KMT2C: variants seen among roughly 807,000 people sequenced by gnomAD.
KMT2C encodes lysine methyltransferase 2C.
In KMT2C, 88 loss-of-function variants were observed where a neutral mutation model predicts 507.9. The observed-to-expected ratio is 0.17, with a 90% CI of 0.15 to 0.21. The LOEUF (loss-of-function observed/expected upper bound fraction) is 0.21, where lower values mean the gene tolerates loss of function less well. Among genes scored for constraint, KMT2C ranks in the 10% least tolerant of loss-of-function variants. KMT2C has a pLI of 1.00. For missense variants in KMT2C, 4,954 were observed against 5,957.8 expected (o/e 0.83, Z 5.55); for synonymous variants, 2,049 against 2,080.8 (o/e 0.98, Z 0.42).
In KMT2C at chr7:152,163,590, C is replaced by A; in HGVS notation, c.9987G>T (p.Met3329Ile). 2 of 1,604,210 alleles carry A rather than the reference C, an allele frequency of 1.2e-6. No individual in the cohort carries two copies. Among genetic ancestry groups the A allele is most frequent in the Non-Finnish European group, 1.7e-6 (2 of 1,174,098 alleles). ...TGGGTTGCCATCCAGGTAAACTGGG[C>A]ATTCTAACAGGGCTAGTATGGCCAG... ...VISGHTSPVR[M>I]PSLPGWQPNS... The change falls in exon 43 of 59, where the codon ATG (methionine) becomes ATT (isoleucine). Residue 3329 changes from methionine to isoleucine, a missense_variant. Physicochemically the swap from Met to Ile is conservative, Grantham distance 10. Around this residue, in one of 29 missense-constraint regions of KMT2C, gnomAD observed 801 missense variants for 751.2 expected, o/e 1.07. Coordinates refer to ENST00000262189, the MANE Select transcript of KMT2C (RefSeq NM_170606.3).
intron 16 of KMT2C, 107 bp from the exon 17 acceptor site, chr7:152,230,428 G>C: frequency 1.9e-6 from 1 of 516,330 alleles, no homozygotes; most frequent in Non-Finnish European, 3.5e-6. Context: ...TTTTGGCTAA[G>C]GTCTAGAATA....
intron 1 of KMT2C, chr7:152,366,942 C>A: frequency 4.0e-6 from 2 of 494,460 alleles, no homozygotes; most frequent in Non-Finnish European, 3.6e-6. Flanking sequence ...CGGGCACGAT[C>A]GCAAGGTCGC....
At position 152,176,747 on chromosome 7, in the gene KMT2C, A is replaced by G. The variant is rs778445184; in HGVS notation, c.8706T>C (p.Ala2902=). 1.2e-6 allele frequency: 2 copies of G among 1,614,034 alleles called. No homozygotes were observed. The highest frequency in any genetic ancestry group is 8.5e-7 in the Non-Finnish European group (1 of 1,180,030). The change falls in exon 38 of 59, where the codon GCT becomes GCC. Residue 2902 remains alanine, a synonymous_variant. Transcript: ENST00000262189. ...NVIQASTQLP[A]QDVINSCGIT... ...TGCCACAAGAGTTTATTACATCTTGAGCAGGTAGTTGAGTGGATGCCTGAA... is the reference window on the plus strand; with the variant it reads ...TGCCACAAGAGTTTATTACATCTTGGGCAGGTAGTTGAGTGGATGCCTGAA...
intron 3 of KMT2C, among the ~76,000 whole-genome samples, chr7:152,326,781 T>A (rs1294721439): frequency 1.3e-5 from 2 of 152,116 alleles, no homozygotes; most frequent in Non-Finnish European, 2.9e-5. Context: ...CTTGGGAGGC[T>A]GAGGCAGGAG....
intron 55 of KMT2C, among the ~76,000 whole-genome samples, chr7:152,142,807 GA>G (rs1219073549): frequency 1.3e-5 from 2 of 152,188 alleles, no homozygotes; most frequent in African/African-American, 4.8e-5. Context: ...TTATTACAGA[GA>G]AAAGGAAGAC....
intron 1 of KMT2C, among the ~76,000 whole-genome samples, chr7:152,394,984 A>C (rs1360202395): frequency 6.6e-6 from 1 of 152,152 alleles, no homozygotes; most frequent in East Asian, 1.9e-4. Context: ...TCTTATTTGA[A>C]GCTGCAAAGT....
At chr7:152,209,400 T>C (rs1470990253) in intron 23 of KMT2C, among the ~76,000 whole-genome samples, 1 of 140,066 alleles carries the variant, frequency 7.1e-6, no homozygotes, top group Non-Finnish European at 1.5e-5. Flanking sequence ...GAGCTTGCAG[T>C]GAGCCGAATT....
chr7:152,259,542 AAATC>A (rs1366757706), intron 9 of KMT2C, among the ~76,000 whole-genome samples: 55 of 152,122 alleles, frequency 3.6e-4, no homozygotes, highest in African/African-American at 1.3e-3. Flanking sequence ...AACAACTGAT[AAATC>A]TAAGTAAATG....
Position 152,182,033 on chromosome 7 carries a change from C to A in KMT2C, c.5827G>T (p.Ala1943Ser), listed in dbSNP as rs1213064306. The A allele has an allele frequency of 6.2e-7, 1 of 1,614,030 alleles. No individual in the cohort carries two copies. Residue 1943 changes from alanine to serine, a missense_variant, in exon 36 of 59, where the codon GCA (alanine) becomes TCA (serine). Physicochemically the swap from Ala to Ser is moderately conservative, Grantham distance 99. Coordinates refer to ENST00000262189, the MANE Select transcript of KMT2C (RefSeq NM_170606.3). The part of the protein sequence containing the change: ...SRPLQMNETT[A>S]NRPSPVRDLC... ...TCTCTGACAGGGGATGGCCTATTTG[C>A]TGTTGTCTCATTCATTTGAAGGGGC... is the stretch of plus-strand genomic sequence containing the variant.
At chr7:152,377,257 C>T (rs1366800803) in intron 1 of KMT2C, among the ~76,000 whole-genome samples, 42 of 151,468 alleles carry the variant, frequency 2.8e-4, no homozygotes, top group African/African-American at 9.5e-4. Flanking sequence ...TCAAGACCTA[C>T]TGCTAAGGAA....
At chr7:152,359,235 G>T (rs911595956) in intron 1 of KMT2C, among the ~76,000 whole-genome samples, 1 of 142,526 alleles carries the variant, frequency 7.0e-6, no homozygotes, top group Non-Finnish European at 1.5e-5. Flanking sequence ...CTTCAGGAAA[G>T]TAAAATAAAG....
Position 152,148,377 on chromosome 7 carries a change from C to T in KMT2C, c.13550G>A (p.Ser4517Asn), listed in dbSNP as rs780555450. The T allele has an allele frequency of 6.2e-7, 1 of 1,614,250 alleles. No individual in the cohort carries two copies. The highest frequency in any genetic ancestry group is 8.5e-7 in the Non-Finnish European group (1 of 1,180,048). ...KPKGIHEQELSYFAVFRRVYV... is the reference protein window; with the variant it reads ...KPKGIHEQELNYFAVFRRVYV... ...GACCCTCCTGAAGACTGCAAAGTAACTTAATTCTTGCTCATGAATTCCCTT... is the reference window on the plus strand; with the variant it reads ...GACCCTCCTGAAGACTGCAAAGTAATTTAATTCTTGCTCATGAATTCCCTT... The change falls in exon 52 of 59, where the codon AGT (serine) becomes AAT (asparagine). Residue 4517 changes from serine to asparagine, a missense_variant. By Grantham distance (46) the Ser-to-Asn change is conservative. Coordinates refer to ENST00000262189, the MANE Select transcript of KMT2C (RefSeq NM_170606.3). The surrounding 1 kb of genome is among the most constrained non-coding windows in gnomAD (Gnocchi z 7.1).
At chr7:152,158,451 T>C (rs963765860) in intron 44 of KMT2C, among the ~76,000 whole-genome samples, 4 of 152,190 alleles carry the variant, frequency 2.6e-5, no homozygotes, top group Non-Finnish European at 5.9e-5. Flanking sequence ...GGAAAAAGTC[T>C]ACTAGGTTCC....
chr7:152,265,548 C>A (rs937822576), intron 7 of KMT2C, among the ~76,000 whole-genome samples: 1 of 151,974 alleles, frequency 6.6e-6, no homozygotes, highest in African/African-American at 2.4e-5. Flanking sequence ...CTGGAAAGAA[C>A]CAAACAAGGA....
chr7:152,381,443 G>A (rs1192720665), intron 1 of KMT2C, among the ~76,000 whole-genome samples: 2 of 142,680 alleles, frequency 1.4e-5, no homozygotes, highest in African/African-American at 2.7e-5. Flanking sequence ...AGGAGATACT[G>A]CCCATGACAA....
intron 10 of KMT2C, 110 bp from the exon 11 acceptor site, chr7:152,252,200 G>T: frequency 7.8e-6 from 6 of 773,458 alleles, no homozygotes; most frequent in Non-Finnish European, 1.2e-5. Context: ...TTAAGTATGA[G>T]AGGAGAGAGG....
At chr7:152,303,612 A>G (rs954958984) in intron 6 of KMT2C, among the ~76,000 whole-genome samples, 1 of 152,236 alleles carries the variant, frequency 6.6e-6, no homozygotes, top group Non-Finnish European at 1.5e-5. Context: ...GGAAAAATCC[A>G]TAGAAAAAGA....
Position 152,200,638 on chromosome 7 carries a change from G to A in KMT2C, c.4093-1179C>T, listed in dbSNP as rs534103315. On this transcript the variant is annotated intron_variant, in intron 26 of 58. Coordinates refer to ENST00000262189, the MANE Select transcript of KMT2C (RefSeq NM_170606.3). ...CCAGCTACCTGGAAGGCTGAGGCAC[G>A]AGAATCACTTGAACCCAGAAGGCAG... Among the ~76,000 whole-genome samples the A allele has an allele frequency of 5.9e-5, 9 of 152,250 alleles. No individual in the cohort carries two copies. In the South Asian group the frequency reaches 1.5e-3, roughly 25 times the overall value.
At chr7:152,299,316 C>CA (rs1263340130) in intron 6 of KMT2C, among the ~76,000 whole-genome samples, 1 of 131,346 alleles carries the variant, frequency 7.6e-6, no homozygotes, top group Non-Finnish European at 1.6e-5. Flanking sequence ...GACTCTATCT[C>CA]AAAAAATAAA....
Sources: gnomAD v4.1 joint callset for allele counts (sites outside exome capture counted in the v4.1 genomes callset) on GRCh38, gnomAD v4.1.1 for gene constraint, gnomAD v4.1.1 regional missense constraint, Gnocchi (gnomAD v3.1) non-coding constraint, MANE v1.5 for transcripts, NCBI Gene and HGNC (gene_info 2026-07-23, HGNC 2026-07-21) for gene names.